TMEM230: variants seen among roughly 807,000 people sequenced by gnomAD.
The protein encoded by TMEM230 is UPF0414 transmembrane protein C20orf30.
Under a neutral mutation model 15.8 loss-of-function variants are expected in TMEM230, and 10 were observed. The observed-to-expected ratio is 0.63, with a 90% CI of 0.39 to 1.07. The LOEUF is 1.07. TMEM230 is among the 50% of genes least tolerant of loss of function. The pLI, the probability that TMEM230 is intolerant of heterozygous loss-of-function variation, is 0.01. For missense variants in TMEM230, 165 were observed against 193.3 expected (o/e 0.85, Z 0.87); for synonymous variants, 67 against 76.9 (o/e 0.87, Z 0.68).
chr20:5,107,626 G>A (rs1192002609), intron 3 of TMEM230, among the ~76,000 whole-genome samples: 1 of 152,026 alleles, frequency 6.6e-6, no homozygotes, highest in African/African-American at 2.4e-5. Context: ...CTAACTTATG[G>A]GGATTTAAGA....
At chr20:5,112,650 G>A in intron 1 of TMEM230, 1 of 1,322,614 alleles carries the variant, frequency 7.6e-7, no homozygotes, top group East Asian at 3.3e-5. Flanking sequence ...AACTCCCTCA[G>A]CACCTGAATG....
chr20:5,079,530 G>A (rs184018280), intron 3 of TMEM230, among the ~76,000 whole-genome samples: 34 of 152,110 alleles, frequency 2.2e-4, no homozygotes. Context: ...CTCTGTCACC[G>A]AGGCTGGAGT....
At chr20:5,077,128 A>G (rs967179032) in intron 3 of TMEM230, among the ~76,000 whole-genome samples, 1 of 151,974 alleles carries the variant, frequency 6.6e-6, no homozygotes, top group Non-Finnish European at 1.5e-5. Flanking sequence ...CAACATAGTG[A>G]GACCCCATCT....
downstream of TMEM230, among the ~76,000 whole-genome samples, chr20:5,099,644 G>C (rs1416652075): frequency 6.6e-6 from 1 of 152,046 alleles, no homozygotes; most frequent in African/African-American, 2.4e-5. Context: ...AGCTCCACTT[G>C]GATATTGAGT....
Position 5,106,254 on chromosome 20 carries a change from CA to C in TMEM230, c.344del (p.Leu115ArgfsTer3), listed in dbSNP as rs779693541. On this transcript the variant is annotated frameshift_variant, in exon 4 of 5. Transcript: ENST00000342308. LOFTEE classifies it high-confidence loss of function. ...TAATGAGAAAGGCGCCAATCAAAAA[CA>C]GCACAGTGGCAAGTGCGATGGCCTT... is the stretch of plus-strand genomic sequence containing the variant. 6.2e-7 allele frequency: 1 copy of C among 1,613,996 alleles called. No individual in the cohort carries two copies. Among genetic ancestry groups the C allele is most frequent in the Non-Finnish European group, 8.5e-7 (1 of 1,180,004 alleles).
chr20:5,061,451 C>A, the TMEM230 span: 3 of 152,200 alleles, frequency 2.0e-5, no homozygotes, highest in Non-Finnish European at 4.4e-5. Flanking sequence ...GAGTCACATC[C>A]TGCATTCTCA....
downstream of TMEM230, chr20:5,067,180 G>C (rs1362504164): frequency 1.3e-5 from 2 of 151,774 alleles, no homozygotes; most frequent in Non-Finnish European, 2.9e-5. Flanking sequence ...TATCCGGTGA[G>C]GGGGGAAAAC....
At chr20:5,112,129 C>A (rs543963826) in intron 1 of TMEM230, among the ~76,000 whole-genome samples, 7 of 152,226 alleles carry the variant, frequency 4.6e-5, no homozygotes, top group Non-Finnish European at 8.8e-5. Flanking sequence ...CAGGCGTGAG[C>A]CAGCGCGCCC....
At chr20:5,079,928 T>C (rs916347803) in intron 3 of TMEM230, among the ~76,000 whole-genome samples, 1 of 152,162 alleles carries the variant, frequency 6.6e-6, no homozygotes, top group Non-Finnish European at 1.5e-5. Flanking sequence ...CTAACTTTTG[T>C]ATTTTTAGTT....
At chr20:5,067,681 A>G (rs2088693785), downstream of TMEM230, among the ~76,000 whole-genome samples, 1 of 149,396 alleles carries the variant, frequency 6.7e-6, no homozygotes, top group African/African-American at 2.5e-5. Flanking sequence ...CGACCTCATG[A>G]TCCACCTACC....
chr20:5,113,048 CCACT>C lies in TMEM230; in HGVS notation c.-24_-21del. On this transcript the variant is annotated 5_prime_UTR_variant, in exon 1 of 5. Transcript: ENST00000342308. ...TTGCATGGCATGGCCCGCTTAAGTGCCACTCAGCCGGCCCCAGGCGGGATCAGTG... is the reference window on the plus strand; with the variant it reads ...TTGCATGGCATGGCCCGCTTAAGTGCCAGCCGGCCCCAGGCGGGATCAGTG... 2.6e-6 allele frequency: 4 copies of C among 1,543,870 alleles called. No individual in the cohort carries two copies. In the African/African-American group the frequency reaches 4.1e-5, roughly 16 times the overall value.
chr20:5,060,102 A>C, the TMEM230 span, among the ~76,000 whole-genome samples: 1 of 151,496 alleles, frequency 6.6e-6, no homozygotes, highest in South Asian at 2.1e-4. Context: ...TGTAGTGATG[A>C]CTTCTTGCTA....
intron 3 of TMEM230, among the ~76,000 whole-genome samples, chr20:5,078,575 T>C (rs1202789905): frequency 6.6e-6 from 1 of 152,160 alleles, no homozygotes; most frequent in Non-Finnish European, 1.5e-5. Context: ...TTTGTGTTCA[T>C]TATGGGTCAA....
chr20:5,106,355 G>A lies in TMEM230; in HGVS notation c.289-45C>T, dbSNP rs532208233. 5.8e-6 allele frequency: 9 copies of A among 1,556,406 alleles called. No individual in the cohort carries two copies. The South Asian group carries it at 8.4e-5, about 14-fold the overall frequency. ...GAAAAAGACAACGAAGAACATTAAT[G>A]CAAATACCTGGGTTCAAACATTTAA... On this transcript the variant is annotated intron_variant, in intron 3 of 4. Coordinates refer to ENST00000342308, the MANE Select transcript of TMEM230 (RefSeq NM_001009923.2).
intron 3 of TMEM230, among the ~76,000 whole-genome samples, chr20:5,094,577 C>T (rs1469917860): frequency 2.0e-5 from 3 of 151,530 alleles, no homozygotes; most frequent in South Asian, 2.1e-4. Context: ...CGTGGTGGCA[C>T]GTGCCTGTAA....
chr20:5,103,551 T>C (rs6085004), intron 4 of TMEM230, among the ~76,000 whole-genome samples: 68,191 of 150,716 alleles, frequency 0.45, 17,032 homozygotes, highest in South Asian at 0.69. Flanking sequence ...TGGTCCCAGT[T>C]ATTTGGGAGG....
intron 4 of TMEM230, among the ~76,000 whole-genome samples, chr20:5,103,655 A>C (rs1457877999): frequency 1.3e-5 from 2 of 151,620 alleles, no homozygotes; most frequent in Non-Finnish European, 2.9e-5. Context: ...AAACAAAAAA[A>C]CCAAAAAACA....
At chr20:5,086,287 C>T (rs1247471831) in intron 3 of TMEM230, among the ~76,000 whole-genome samples, 1 of 150,330 alleles carries the variant, frequency 6.7e-6, no homozygotes, top group Admixed American at 6.6e-5. Context: ...CCTGTAATCC[C>T]AGCACTTTGG....
intron 4 of TMEM230, among the ~76,000 whole-genome samples, chr20:5,103,167 G>A (rs910556281): frequency 7.9e-5 from 12 of 152,092 alleles, no homozygotes; most frequent in East Asian, 3.9e-4. Context: ...AACACACAAC[G>A]GGAAACATAG....
Sources: allele counts gnomAD v4.1 joint callset (sites outside exome capture counted in the v4.1 genomes callset), GRCh38; gene constraint gnomAD v4.1.1; transcripts MANE v1.5; gene names NCBI Gene and HGNC (gene_info 2026-07-23, HGNC 2026-07-21).